PRKAR1B: variants seen among roughly 807,000 people sequenced by gnomAD.
PRKAR1B encodes protein kinase cAMP-dependent type I regulatory subunit beta, also known as cAMP-dependent protein kinase type I-beta regulatory subunit.
In PRKAR1B, 22 loss-of-function variants were observed where a neutral mutation model predicts 46.5. The ratio of observed to expected loss-of-function variants is 0.47; its 90% confidence interval spans 0.34 to 0.68. The LOEUF is 0.68. Among genes scored for constraint, PRKAR1B ranks in the 30% least tolerant of loss-of-function variants. The pLI is 0.01. For missense variants in PRKAR1B, 445 were observed against 535.6 expected, an observed-to-expected ratio of 0.83 and a Z score of 1.67; for synonymous variants, 259 against 217.7, an observed-to-expected ratio of 1.19 and a Z score of -1.67.
At chr7:645,510 G>T (rs1007332475) in intron 4 of PRKAR1B, among the ~76,000 whole-genome samples, 6 of 152,068 alleles carry the variant, frequency 3.9e-5, no homozygotes, top group Non-Finnish European at 8.8e-5. Flanking sequence ...TAATTAGCCG[G>T]GTGTGATGGC....
chr7:567,403 TCACCTCCATCATCATCACCATCATCAC>T (rs1299103089), intron 9 of PRKAR1B, among the ~76,000 whole-genome samples: 5 of 144,480 alleles, frequency 3.5e-5, no homozygotes, highest in Non-Finnish European at 7.6e-5. Flanking sequence ...ATCATCACCA[TCACCTCCATCATCATCACCATCATCAC>T]CATCATCATC....
intron 9 of PRKAR1B, among the ~76,000 whole-genome samples, chr7:557,779 C>A (rs1349148077): frequency 3.9e-5 from 6 of 152,304 alleles, no homozygotes; most frequent in African/African-American, 1.4e-4. Context: ...CGAGGCAGCA[C>A]AGACGCTCTC....
chr7:567,503 C>T (rs1436602402), intron 9 of PRKAR1B, among the ~76,000 whole-genome samples: 1 of 149,730 alleles, frequency 6.7e-6, no homozygotes, highest in African/African-American at 2.5e-5. Flanking sequence ...TCACCATCAT[C>T]ACCATCACCT....
chr7:556,665 G>T (rs1021615726), intron 9 of PRKAR1B, among the ~76,000 whole-genome samples: 1 of 152,204 alleles, frequency 6.6e-6, no homozygotes, highest in Non-Finnish European at 1.5e-5. Context: ...GACAGGAGGG[G>T]CCGAGGCCAG....
chr7:592,451 C>T (rs751915728), intron 7 of PRKAR1B, among the ~76,000 whole-genome samples: 3 of 150,874 alleles, frequency 2.0e-5, no homozygotes, highest in Admixed American at 1.3e-4. Flanking sequence ...CGAGTCACTC[C>T]GGACATCGGT....
At chr7:692,237 T>C (rs538928985) in intron 2 of PRKAR1B, among the ~76,000 whole-genome samples, 27 of 152,130 alleles carry the variant, frequency 1.8e-4, no homozygotes, top group Non-Finnish European at 8.8e-5. Flanking sequence ...CCATCTCTAC[T>C]AAAAATACAA....
chr7:701,983 C>A (rs1446937689), intron 2 of PRKAR1B, among the ~76,000 whole-genome samples: 1 of 152,044 alleles, frequency 6.6e-6, no homozygotes, highest in Non-Finnish European at 1.5e-5. Flanking sequence ...ACTATTTGCC[C>A]CTCTTAAATT....
intron 4 of PRKAR1B, among the ~76,000 whole-genome samples, chr7:637,791 C>T (rs1302346610): frequency 6.6e-6 from 1 of 152,104 alleles, no homozygotes. Flanking sequence ...CGAGATCGCA[C>T]CACTGCACTC....
At chr7:686,344 A>G (rs892185455) in intron 2 of PRKAR1B, among the ~76,000 whole-genome samples, 1 of 152,176 alleles carries the variant, frequency 6.6e-6, no homozygotes, top group African/African-American at 2.4e-5. Context: ...GTTCACAATG[A>G]AATTGTAAAG....
At chr7:648,308 G>T (rs1040787473) in intron 4 of PRKAR1B, among the ~76,000 whole-genome samples, 1 of 151,674 alleles carries the variant, frequency 6.6e-6, no homozygotes, top group African/African-American at 2.4e-5. Context: ...TTTAAACATA[G>T]CCAATGAAAT....
intron 4 of PRKAR1B, among the ~76,000 whole-genome samples, chr7:614,880 C>G (rs1782715638): frequency 6.6e-6 from 1 of 151,896 alleles, no homozygotes; most frequent in Non-Finnish European, 1.5e-5. Context: ...CCACTGCACT[C>G]CAACCTGGGT....
At chr7:686,487 G>C (rs372367542) in intron 2 of PRKAR1B, among the ~76,000 whole-genome samples, 13 of 152,102 alleles carry the variant, frequency 8.5e-5, no homozygotes, top group African/African-American at 2.9e-4. Flanking sequence ...GTCAACAGAG[G>C]GTGCTGAAAA....
In PRKAR1B at chr7:550,020, G is replaced by A. The variant is rs1010681718; in HGVS notation, c.*410C>T. On this transcript the variant is annotated 3_prime_UTR_variant, in exon 11 of 11. Transcript: ENST00000537384. ...CTTTTGACACACTTGCCCACACTCA[G>A]ACCTCAATCTGGGGGACCTGACCTC... 7 of 191,330 alleles carry A rather than the reference G, an allele frequency of 3.7e-5. No individual in the cohort carries two copies. The highest frequency in any genetic ancestry group is 7.6e-5 in the Non-Finnish European group (7 of 92,426). 11.9% of individuals were successfully genotyped at this position (191,330 alleles called of 1,614,324 possible). A position where few individuals can be genotyped will look rare whatever the true frequency, so the allele number is the denominator to read the frequency against.
At position 685,304 on chromosome 7, in the gene PRKAR1B, ATACG is replaced by A. The variant is rs1166890778; in HGVS notation, c.178-4582_178-4579del. On this transcript the variant is annotated intron_variant, in intron 2 of 10. Transcript: ENST00000537384. ...CGTATATATATGTATACATATATAT[ATACG>A]TATATATACGTATATATACGTATAT... Among the ~76,000 whole-genome samples the A allele has an allele frequency of 5.0e-3, 71 of 14,178 alleles. 2 individuals carry two copies. The highest frequency in any genetic ancestry group is 0.019 in the African/African-American group (65 of 3,478). 9.3% of individuals were successfully genotyped at this position (14,178 alleles called of 152,430 possible).
intron 4 of PRKAR1B, among the ~76,000 whole-genome samples, chr7:656,153 G>C (rs915710683): frequency 4.6e-5 from 7 of 152,218 alleles, no homozygotes; most frequent in African/African-American, 1.7e-4. Flanking sequence ...TGAATGAATG[G>C]ATGGGTGCCT....
chr7:581,907 C>G (rs1780207644), intron 8 of PRKAR1B, among the ~76,000 whole-genome samples: 1 of 152,094 alleles, frequency 6.6e-6, no homozygotes, highest in African/African-American at 2.4e-5. Flanking sequence ...TTTGGAGAGA[C>G]AGGAACTCGC....
intron 4 of PRKAR1B, among the ~76,000 whole-genome samples, chr7:632,626 GC>G (rs1783821293): frequency 6.6e-6 from 1 of 152,224 alleles, no homozygotes; most frequent in Non-Finnish European, 1.5e-5. Flanking sequence ...GGACACTGCG[GC>G]CCTCATGATG....
At chr7:577,415 C>T (rs1309561200) in intron 9 of PRKAR1B, among the ~76,000 whole-genome samples, 1 of 152,122 alleles carries the variant, frequency 6.6e-6, no homozygotes, top group South Asian at 2.1e-4. Context: ...AGAGTTGGGG[C>T]GTGTGCTTAG....
chr7:581,030 G>A (rs934684531), intron 8 of PRKAR1B, among the ~76,000 whole-genome samples: 15 of 152,286 alleles, frequency 9.8e-5, no homozygotes, highest in African/African-American at 1.2e-4. Flanking sequence ...CCAGCTGGGC[G>A]CGGTGGCTCA....
Sources: allele counts gnomAD v4.1 joint callset (sites outside exome capture counted in the v4.1 genomes callset), GRCh38; gene constraint gnomAD v4.1.1; transcripts MANE v1.5; gene names NCBI Gene and HGNC (gene_info 2026-07-23, HGNC 2026-07-21).